FIGLA: variants seen among roughly 807,000 people sequenced by gnomAD.
The protein encoded by FIGLA is folliculogenesis specific bHLH transcription factor, also known as factor in the germline alpha.
A neutral mutation model predicts 21.5 loss-of-function variants in FIGLA; 17 were observed. The ratio of observed to expected loss-of-function variants is 0.79; its 90% CI spans 0.54 to 1.19. The LOEUF is 1.19. Among genes scored for constraint, FIGLA ranks in the 50% most tolerant of loss-of-function variants. The pLI is 0.00. For missense variants in FIGLA, 282 were observed against 285.0 expected (o/e 0.99, Z 0.08); for synonymous variants, 129 against 117.6 (o/e 1.10, Z -0.63).
chr2:70,784,449 A>G (rs891676240), intron 3 of FIGLA, among the ~76,000 whole-genome samples: 19 of 152,210 alleles, frequency 1.2e-4, no homozygotes, highest in African/African-American at 4.3e-4. Flanking sequence ...GGAGTTAGTT[A>G]TCTTATATAC....
At chr2:70,784,222 A>C (rs989909761) in intron 3 of FIGLA, among the ~76,000 whole-genome samples, 3 of 150,972 alleles carry the variant, frequency 2.0e-5, no homozygotes, top group Non-Finnish European at 3.0e-5. Flanking sequence ...CCCTGCCCCC[A>C]CCAGCCAGCA....
At position 70,785,508 on chromosome 2, in the gene FIGLA, C is replaced by A. The variant is rs1415826332; in HGVS notation, c.516G>T (p.Gly172=). ...CACCACTGCCACCATCTGCCCAAGGCCCTTCCTCTTCATTCTTCAAGCCGA... is the reference window on the plus strand; with the variant it reads ...CACCACTGCCACCATCTGCCCAAGGACCTTCCTCTTCATTCTTCAAGCCGA... ...CAFGLKNEEE[G]PWADGGSGEP... The change falls in exon 3 of 5, where the codon GGG becomes GGT. Residue 172 remains glycine, a synonymous_variant. Transcript: ENST00000332372. 2 of 1,613,836 alleles carry A rather than the reference C, an allele frequency of 1.2e-6. No individual in the cohort carries two copies. Among genetic ancestry groups the A allele is most frequent in the African/African-American group, 2.7e-5 (2 of 74,914 alleles).
Position 70,785,471 on chromosome 2 carries a change from C to G in FIGLA, c.553G>C (p.Ala185Pro). 6.2e-7 allele frequency: 1 copy of G among 1,613,996 alleles called. No individual in the cohort carries two copies. Among genetic ancestry groups the G allele is most frequent in the Non-Finnish European group, 8.5e-7 (1 of 1,179,896 alleles). The change falls in exon 3 of 5, where the codon GCT becomes CCT. Residue 185 changes from alanine to proline, a missense_variant. Physicochemically the swap from Ala to Pro is conservative, Grantham distance 27. Coordinates refer to ENST00000332372, the MANE Select transcript of FIGLA (RefSeq NM_001004311.3). The stretch of plus-strand genomic sequence containing the variant: ...GTAGACATCACACTGTGGCGACAAG[C>G]GTGTGCTGGCTCACCACTGCCACCA... ...ADGGSGEPAH[A>P]CRHSVMSTTE...
intron 3 of FIGLA, among the ~76,000 whole-genome samples, chr2:70,778,023 T>C (rs782300257): frequency 1.7e-4 from 26 of 152,326 alleles, no homozygotes; most frequent in Admixed American, 3.3e-4. Flanking sequence ...GCTCAAGTCA[T>C]GGTCAGGCAT....
At chr2:70,782,835 G>C (rs1675880047) in intron 3 of FIGLA, among the ~76,000 whole-genome samples, 1 of 152,160 alleles carries the variant, frequency 6.6e-6, no homozygotes, top group Non-Finnish European at 1.5e-5. Context: ...CTGGGAGGCT[G>C]AGGTGGGCAG....
At position 70,778,857 on chromosome 2, in the gene FIGLA, T is replaced by A. The variant is rs146462724; in HGVS notation, c.610-1186A>T. Among the ~76,000 whole-genome samples the A allele has an allele frequency of 9.8e-5, 15 of 152,328 alleles. 1 individual carries two copies. In the East Asian group the frequency reaches 2.9e-3, roughly 29 times the overall value. On this transcript the variant is annotated intron_variant, in intron 3 of 4. Transcript: ENST00000332372. ...GCAGGCACACTCCAATTGTTGGCAG[T>A]GTGGCTGCAGAATTTGACGTATTAT...
rs187253403 is a variant in FIGLA at position 70,786,319 on chromosome 2, G to C, written c.385-680C>G. ...GGACTTCTAGGTTTTCTTTTTTTTGGGGGGGGACAGAGTCTCGCTCTGTTG... is the reference window on the plus strand; with the variant it reads ...GGACTTCTAGGTTTTCTTTTTTTTGCGGGGGGACAGAGTCTCGCTCTGTTG... On this transcript the variant is annotated intron_variant, in intron 2 of 4. Coordinates refer to ENST00000332372, the MANE Select transcript of FIGLA (RefSeq NM_001004311.3). Among the ~76,000 whole-genome samples, 661 of 150,324 alleles carry C rather than the reference G, an allele frequency of 4.4e-3. 3 individuals carry two copies. Among genetic ancestry groups the C allele is most frequent in the African/African-American group, 0.015 (603 of 40,842 alleles).
intron 1 of FIGLA, 45 bp downstream of exon 1, chr2:70,790,363 G>T: frequency 6.8e-7 from 1 of 1,479,008 alleles, no homozygotes. Flanking sequence ...TTTGGTGGTA[G>T]AGCAGGGAAG....
chr2:70,786,835 C>T (rs1412314947), intron 2 of FIGLA, among the ~76,000 whole-genome samples: 2 of 152,158 alleles, frequency 1.3e-5, no homozygotes, highest in East Asian at 3.8e-4. Flanking sequence ...TCCTCCTCAA[C>T]TTTATGACCC....
At position 70,785,561 on chromosome 2, in the gene FIGLA, T is replaced by A; in HGVS notation, c.463A>T (p.Asn155Tyr). 1 of 1,614,030 alleles carries A rather than the reference T, an allele frequency of 6.2e-7. No individual in the cohort carries two copies. Among genetic ancestry groups the A allele is most frequent in the Non-Finnish European group, 8.5e-7 (1 of 1,179,900 alleles). ...GCACAGCTGATATGTTGGGTGATGT[T>A]TCTTGACAGCTGTCTTGCCGAGGAT... ...HTSSARQLSR[N>Y]ITQHISCAFG... The change falls in exon 3 of 5, where the codon AAC becomes TAC. Residue 155 changes from asparagine (N) to tyrosine (Y), a missense_variant. Transcript: ENST00000332372.
intron 3 of FIGLA, among the ~76,000 whole-genome samples, chr2:70,782,839 T>C (rs771788064): frequency 7.2e-5 from 11 of 152,032 alleles, no homozygotes; most frequent in Non-Finnish European, 1.3e-4. Context: ...GAGGCTGAGG[T>C]GGGCAGATCA....
At chr2:70,778,379 A>G (rs2104595357) in intron 3 of FIGLA, among the ~76,000 whole-genome samples, 1 of 152,334 alleles carries the variant, frequency 6.6e-6, no homozygotes, top group East Asian at 1.9e-4. Context: ...GACACAAAAT[A>G]TGTATGAGTA....
chr2:70,778,475 G>A (rs1675802228), intron 3 of FIGLA, among the ~76,000 whole-genome samples: 1 of 148,634 alleles, frequency 6.7e-6, no homozygotes, highest in East Asian at 2.0e-4. Context: ...CCTAGCTTTG[G>A]AAGCTTTATT....
chr2:70,782,371 G>A (rs906417693), intron 3 of FIGLA, among the ~76,000 whole-genome samples: 7 of 152,128 alleles, frequency 4.6e-5, no homozygotes, highest in Non-Finnish European at 8.8e-5. Flanking sequence ...ATCAAGACAC[G>A]CTCTATAAAA....
intron 2 of FIGLA, 130 bp from the exon 3 acceptor site, chr2:70,785,769 T>C (rs1190168744): frequency 3.5e-5 from 25 of 722,066 alleles, no homozygotes; most frequent in Non-Finnish European, 5.5e-5. Flanking sequence ...TAAGTCATTA[T>C]GGAGAGAAAA....
intron 2 of FIGLA, among the ~76,000 whole-genome samples, chr2:70,786,899 C>T (rs1478806097): frequency 6.6e-6 from 1 of 152,182 alleles, no homozygotes; most frequent in Non-Finnish European, 1.5e-5. Flanking sequence ...CTTCCTCCTA[C>T]CAACAGAGTT....
chr2:70,780,560 G>T (rs1282229228), intron 3 of FIGLA, among the ~76,000 whole-genome samples: 1 of 152,008 alleles, frequency 6.6e-6, no homozygotes, highest in Non-Finnish European at 1.5e-5. Context: ...AGCCCACCCT[G>T]GTTCCTGATT....
intron 1 of FIGLA, among the ~76,000 whole-genome samples, 155 bp downstream of exon 1, chr2:70,790,253 C>T (rs1337936470): frequency 6.6e-6 from 1 of 152,236 alleles, no homozygotes; most frequent in East Asian, 1.9e-4. Flanking sequence ...GAGGCCACTG[C>T]CATTCTCCTG....
intron 1 of FIGLA, among the ~76,000 whole-genome samples, chr2:70,788,488 T>C (rs145172136): frequency 7.6e-4 from 115 of 152,300 alleles, no homozygotes; most frequent in African/African-American, 2.6e-3. Context: ...CAGAGTCTAA[T>C]CCCTGTCTCT....
Sources: allele counts gnomAD v4.1 joint callset (sites outside exome capture counted in the v4.1 genomes callset), GRCh38; gene constraint gnomAD v4.1.1; transcripts MANE v1.5; gene names NCBI Gene and HGNC (gene_info 2026-07-23, HGNC 2026-07-21).